The following PDE12 variants were observed in gnomAD, a reference collection of about 807,000 sequenced individuals.
The protein encoded by PDE12 is phosphodiesterase 12.
Under a neutral mutation model 45.4 loss-of-function variants are expected in PDE12, and 26 were observed. The ratio of observed to expected loss-of-function variants is 0.57; its 90% confidence interval spans 0.42 to 0.79. PDE12 has a LOEUF of 0.79. PDE12 is among the 30% of genes least tolerant of loss of function. The pLI, the probability that PDE12 is intolerant of heterozygous loss-of-function variation, is 0.00. For missense variants in PDE12, 668 were observed against 790.0 expected, an observed-to-expected ratio of 0.85 and a Z score of 1.85; for synonymous variants, 283 against 323.9, an observed-to-expected ratio of 0.87 and a Z score of 1.36.
the PDE12 span, among the ~76,000 whole-genome samples, chr3:57,594,757 T>C: frequency 5.3e-5 from 8 of 152,206 alleles, no homozygotes; most frequent in East Asian, 1.9e-4. Context: ...AGCACACTAA[T>C]GTAAAACATT....
chr3:57,584,279 C>T, the PDE12 span: 1 of 1,125,240 alleles, frequency 8.9e-7, no homozygotes, highest in Non-Finnish European at 1.3e-6. Flanking sequence ...AAAAGTACTT[C>T]TAAGATAATC....
chr3:57,634,660 A>C, the PDE12 span: 3 of 1,493,084 alleles, frequency 2.0e-6, no homozygotes, highest in Non-Finnish European at 2.7e-6. Context: ...AAAAAACCCA[A>C]GTACCATATA....
the PDE12 span, among the ~76,000 whole-genome samples, chr3:57,574,240 G>A: frequency 4.0e-5 from 6 of 151,740 alleles, no homozygotes; most frequent in South Asian, 1.2e-3. Context: ...CACCCGGCCT[G>A]CAATAGGTTC....
chr3:57,589,261 C>A, the PDE12 span, among the ~76,000 whole-genome samples: 2 of 151,830 alleles, frequency 1.3e-5, no homozygotes, highest in Admixed American at 6.6e-5. Context: ...GAATTGAGAC[C>A]CTGTCTCAAA....
the PDE12 span, among the ~76,000 whole-genome samples, chr3:57,645,029 G>A: frequency 1.3e-5 from 2 of 151,954 alleles, no homozygotes; most frequent in African/African-American, 2.4e-5. Context: ...TAAAAAGAAG[G>A]TGAGCGATAG....
chr3:57,624,015 G>A, the PDE12 span, among the ~76,000 whole-genome samples: 3 of 152,188 alleles, frequency 2.0e-5, no homozygotes, highest in African/African-American at 7.2e-5. Flanking sequence ...TATAGACAGG[G>A]TCTCACTCTG....
the PDE12 span, chr3:57,641,728 C>T: frequency 3.1e-6 from 5 of 1,612,874 alleles, no homozygotes; most frequent in Non-Finnish European, 4.2e-6. Flanking sequence ...GGGTTGGTTA[C>T]TCCTAATATA....
chr3:57,594,506 C>A, the PDE12 span, among the ~76,000 whole-genome samples: 3 of 152,220 alleles, frequency 2.0e-5, no homozygotes, highest in African/African-American at 7.2e-5. Flanking sequence ...AAATTTGATA[C>A]ACTGTGTTGG....
chr3:57,568,068 C>CA (rs11360766), downstream of PDE12, among the ~76,000 whole-genome samples: 1,514 of 47,410 alleles, frequency 0.032, 140 homozygotes, highest in African/African-American at 0.12. Context: ...GACTCCATCT[C>CA]AAAAAAAAAA....
chr3:57,579,474 G>C, the PDE12 span, among the ~76,000 whole-genome samples: 1 of 151,882 alleles, frequency 6.6e-6, no homozygotes, highest in Admixed American at 6.6e-5. Context: ...TTTTAGTAGA[G>C]ATGAGATTTT....
chr3:57,601,338 G>A, the PDE12 span, among the ~76,000 whole-genome samples: 3 of 152,022 alleles, frequency 2.0e-5, no homozygotes, highest in African/African-American at 7.3e-5. Flanking sequence ...TCGAACTCCT[G>A]ACCTAGGTGG....
At chr3:57,604,574 C>T in the PDE12 span, among the ~76,000 whole-genome samples, 2 of 130,888 alleles carry the variant, frequency 1.5e-5, no homozygotes, top group African/African-American at 5.9e-5. Context: ...CAAAGCAAGA[C>T]CTCCTCTCAT....
the PDE12 span, among the ~76,000 whole-genome samples, chr3:57,618,514 C>A: frequency 6.6e-6 from 1 of 151,710 alleles, no homozygotes; most frequent in Admixed American, 6.6e-5. Context: ...CTCAACCTCC[C>A]AGGCTCAATC....
At chr3:57,652,651 T>C in the PDE12 span, among the ~76,000 whole-genome samples, 1 of 152,206 alleles carries the variant, frequency 6.6e-6, no homozygotes, top group African/African-American at 2.4e-5. Flanking sequence ...GAAAAAACAA[T>C]TAACTTATCA....
the PDE12 span, chr3:57,628,128 TGA>T: frequency 9.8e-6 from 15 of 1,532,930 alleles, no homozygotes; most frequent in Non-Finnish European, 1.3e-5. Context: ...CCGCTGCCAC[TGA>T]GAGATCTCCT....
the PDE12 span, among the ~76,000 whole-genome samples, chr3:57,579,355 TCAGCTCACTG>T: frequency 6.7e-6 from 1 of 149,340 alleles, no homozygotes; most frequent in African/African-American, 2.4e-5. Flanking sequence ...TGGTGCCATC[TCAGCTCACTG>T]CAAACCCCTC....
the PDE12 span, among the ~76,000 whole-genome samples, chr3:57,644,106 C>T: frequency 4.5e-4 from 67 of 149,336 alleles, no homozygotes; most frequent in East Asian, 8.7e-3. Context: ...ACCAAGATGG[C>T]GCCATTGCAC....
the PDE12 span, among the ~76,000 whole-genome samples, chr3:57,608,054 C>T: frequency 2.0e-5 from 3 of 152,206 alleles, no homozygotes; most frequent in Non-Finnish European, 2.9e-5. Context: ...AGAAACTCTA[C>T]AAGCCAGAAG....
At chr3:57,576,825 G>C in the PDE12 span, among the ~76,000 whole-genome samples, 1 of 151,992 alleles carries the variant, frequency 6.6e-6, no homozygotes, top group African/African-American at 2.4e-5. Flanking sequence ...ACTTTCAGAA[G>C]GAATTCCTTA....
Sources: allele counts gnomAD v4.1 joint callset (sites outside exome capture counted in the v4.1 genomes callset), GRCh38; gene constraint gnomAD v4.1.1; transcripts MANE v1.5; gene names NCBI Gene and HGNC (gene_info 2026-07-23, HGNC 2026-07-21).